The following OPCML variants were observed in gnomAD, a reference collection of about 807,000 sequenced individuals.
OPCML encodes opioid binding protein/cell adhesion molecule like.
OPCML carries 13 observed loss-of-function variants against 37.8 expected under a neutral mutation model. The ratio of observed to expected loss-of-function variants is 0.34; its 90% CI spans 0.22 to 0.55. The LOEUF is 0.55. Ranked by LOEUF, OPCML falls within the 20% of genes least tolerant of loss-of-function variation. OPCML has a pLI of 0.91. For synonymous variants in OPCML, 176 were observed against 168.8 expected, an observed-to-expected ratio of 1.04 and a Z score of -0.33; for missense variants, 341 against 435.6, an observed-to-expected ratio of 0.78 and a Z score of 1.93.
intron 1 of OPCML, among the ~76,000 whole-genome samples, chr11:133,231,855 A>C (rs1187824260): frequency 6.6e-6 from 1 of 152,176 alleles, no homozygotes; most frequent in African/African-American, 2.4e-5. Flanking sequence ...AGGGGCAAGG[A>C]AAGTAAGGAG....
chr11:133,458,266 G>GTA lies in OPCML; in HGVS notation c.61+73996_61+73997dup, dbSNP rs758252932. ...TATACACATATATATACACGTGTGT[G>GTA]TATATATACACACATATATACACGT... is the stretch of plus-strand genomic sequence containing the variant. On this transcript the variant is annotated intron_variant, in intron 1 of 7. Transcript: ENST00000524381. Among the ~76,000 whole-genome samples the GTA allele has an allele frequency of 1.8e-3, 132 of 73,388 alleles. 22 individuals are homozygous for GTA. Among genetic ancestry groups the GTA allele is most frequent in the African/African-American group, 8.6e-3 (55 of 6,398 alleles). The allele number at this position is 73,388 out of a possible 152,430, so 48.1% of individuals were successfully genotyped here.
intron 3 of OPCML, among the ~76,000 whole-genome samples, chr11:132,531,207 A>G (rs907714760): frequency 6.6e-6 from 1 of 152,184 alleles, no homozygotes; most frequent in Non-Finnish European, 1.5e-5. Context: ...TCCAAAACAG[A>G]TTGAAAAGAA....
At chr11:133,499,787 T>TATATATATGTGTGTGTATATATATATAC (rs1555167614) in intron 1 of OPCML, among the ~76,000 whole-genome samples, 43 of 141,506 alleles carry the variant, frequency 3.0e-4, no homozygotes, top group African/African-American at 1.1e-3. Flanking sequence ...TATATATATA[T>TATATATATGTGTGTGTATATATATATAC]ACACATATAT....
chr11:132,832,380 G>A (rs538513908), intron 2 of OPCML, among the ~76,000 whole-genome samples: 11 of 152,170 alleles, frequency 7.2e-5, no homozygotes, highest in Non-Finnish European at 1.3e-4. Context: ...CCTAGACTAT[G>A]TTAAACTTTA....
intron 3 of OPCML, among the ~76,000 whole-genome samples, chr11:132,565,441 C>T (rs1382813666): frequency 6.6e-6 from 1 of 152,154 alleles, no homozygotes; most frequent in Non-Finnish European, 1.5e-5. Context: ...CACATGACTC[C>T]AGTGCATGAA....
chr11:133,510,680 G>A (rs949081516), intron 1 of OPCML, among the ~76,000 whole-genome samples: 2 of 152,148 alleles, frequency 1.3e-5, no homozygotes, highest in African/African-American at 4.8e-5. Flanking sequence ...GCCAAGCAAG[G>A]TTGTTACCTT....
chr11:133,384,426 A>T (rs780890357), intron 1 of OPCML, among the ~76,000 whole-genome samples: 4 of 152,174 alleles, frequency 2.6e-5, no homozygotes, highest in South Asian at 2.1e-4. Flanking sequence ...TAAGGTTGAT[A>T]GTATTAACAT....
chr11:132,666,342 C>T (rs1942217260), intron 2 of OPCML, among the ~76,000 whole-genome samples: 1 of 152,134 alleles, frequency 6.6e-6, no homozygotes, highest in Non-Finnish European at 1.5e-5. Flanking sequence ...ATGCCAGGCT[C>T]TTAAACAACC....
chr11:133,025,141 G>T, intron 1 of OPCML: 2 of 568,190 alleles, frequency 3.5e-6, no homozygotes, highest in Non-Finnish European at 4.5e-6. Flanking sequence ...GGAGTAATTA[G>T]AATGTTAGAC....
At position 133,140,859 on chromosome 11, in the gene OPCML, A is replaced by G. The variant is rs796478714; in HGVS notation, c.62-197849T>C. ...AAGAAGACGACGACGACGACGAAGA[A>G]GACGACGACGACGAAGAAGACGACG... is the stretch of plus-strand genomic sequence containing the variant. On this transcript the variant is annotated intron_variant, in intron 1 of 7. Transcript: ENST00000524381. 8.1e-3 allele frequency among the ~76,000 whole-genome samples: 269 copies of G among 33,342 alleles called. 10 individuals are homozygous for G. Among genetic ancestry groups the G allele is most frequent in the Middle Eastern group, 0.042 (3 of 72 alleles). The allele number at this position is 33,342 out of a possible 152,430, so 21.9% of individuals were successfully genotyped here.
intron 3 of OPCML, among the ~76,000 whole-genome samples, chr11:132,613,350 T>A (rs2575892): frequency 0.17 from 26,457 of 152,254 alleles, 3,292 homozygotes; most frequent in East Asian, 0.66. Context: ...ACATCCTCAC[T>A]GAACTTTAAA....
chr11:133,369,807 G>T (rs888873317), intron 1 of OPCML, among the ~76,000 whole-genome samples: 3 of 152,124 alleles, frequency 2.0e-5, no homozygotes, highest in African/African-American at 7.2e-5. Context: ...TAAAGAATGT[G>T]CATTCACACT....
At chr11:133,102,675 G>C (rs2382619) in intron 1 of OPCML, among the ~76,000 whole-genome samples, 1 of 151,918 alleles carries the variant, frequency 6.6e-6, no homozygotes, top group Non-Finnish European at 1.5e-5. Flanking sequence ...GAGTGAACCC[G>C]GGAGGTGGAG....
At chr11:133,229,167 T>A (rs1279513798) in intron 1 of OPCML, among the ~76,000 whole-genome samples, 1 of 152,232 alleles carries the variant, frequency 6.6e-6, no homozygotes, top group Non-Finnish European at 1.5e-5. Flanking sequence ...TAAAAGCTGC[T>A]GTTACCAGGT....
At chr11:132,796,131 T>A (rs1938294674) in intron 2 of OPCML, among the ~76,000 whole-genome samples, 3 of 152,196 alleles carry the variant, frequency 2.0e-5, no homozygotes, top group Non-Finnish European at 4.4e-5. Context: ...TACTATGCCA[T>A]TTTATATCAA....
chr11:132,887,916 G>T (rs1258324171), intron 2 of OPCML, among the ~76,000 whole-genome samples: 1 of 152,166 alleles, frequency 6.6e-6, no homozygotes, highest in Non-Finnish European at 1.5e-5. Flanking sequence ...TTTATACATA[G>T]CATAGGGAAA....
intron 4 of OPCML, among the ~76,000 whole-genome samples, chr11:132,483,404 A>G (rs1592244737): frequency 1.3e-5 from 2 of 152,264 alleles, no homozygotes; most frequent in East Asian, 3.9e-4. Flanking sequence ...CCACTGCTCA[A>G]TGAAATCAAA....
At chr11:133,155,348 C>T (rs1950043405) in intron 1 of OPCML, among the ~76,000 whole-genome samples, 1 of 152,102 alleles carries the variant, frequency 6.6e-6, no homozygotes, top group African/African-American at 2.4e-5. Context: ...TTGAATCTGT[C>T]GAGCTCTGAA....
chr11:132,748,159 G>T (rs1945703504), intron 2 of OPCML, among the ~76,000 whole-genome samples: 1 of 151,414 alleles, frequency 6.6e-6, no homozygotes, highest in Admixed American at 6.6e-5. Flanking sequence ...ATAACAGATT[G>T]GTTTTAGGAT....
Sources: gnomAD v4.1 joint callset for allele counts (sites outside exome capture counted in the v4.1 genomes callset) on GRCh38, gnomAD v4.1.1 for gene constraint, MANE v1.5 for transcripts, NCBI Gene and HGNC (gene_info 2026-07-23, HGNC 2026-07-21) for gene names.